Variants in FAM149A observed in about 807,000 individuals in gnomAD.
FAM149A encodes the protein protein FAM149A.
A neutral mutation model predicts 78.2 loss-of-function variants in FAM149A; 71 were observed. The observed-to-expected ratio is 0.91, with a 90% CI of 0.75 to 1.11. FAM149A has a LOEUF of 1.11. Among genes scored for constraint, FAM149A ranks in the 50% least tolerant of loss-of-function variants. The pLI is 0.00. For missense variants in FAM149A, 1,036 were observed against 971.0 expected (o/e 1.07, Z -0.89); for synonymous variants, 446 against 410.5 (o/e 1.09, Z -1.04).
At chr4:186,112,367 T>C (rs1460817925) in intron 1 of FAM149A, among the ~76,000 whole-genome samples, 1 of 128,926 alleles carries the variant, frequency 7.8e-6, no homozygotes, top group East Asian at 2.4e-4. Context: ...CTTCCTCTTT[T>C]CCTAATTGAA....
At chr4:186,123,481 G>A in intron 1 of FAM149A, 9 of 615,784 alleles carry the variant, frequency 1.5e-5, no homozygotes, top group Non-Finnish European at 1.8e-5. Context: ...TATTAATAAG[G>A]GCCATTTTCC....
chr4:186,170,607 C>A (rs907948729), intron 13 of FAM149A, among the ~76,000 whole-genome samples: 2 of 152,188 alleles, frequency 1.3e-5, no homozygotes, highest in African/African-American at 4.8e-5. Flanking sequence ...CACTGAGCAG[C>A]CTGGTGAGCT....
chr4:186,164,944 A>G lies in FAM149A; in HGVS notation c.1890-400A>G, dbSNP rs761541033. Among the ~76,000 whole-genome samples the G allele has an allele frequency of 1.3e-4, 20 of 152,078 alleles. No homozygotes were observed. Among genetic ancestry groups the G allele is most frequent in the Non-Finnish European group, 2.9e-4 (20 of 68,034 alleles). ...ACAGACAGCCTGTTTGTCTGTGTGC[A>G]TAGCTGTGCTCTACACATACGAGGG... On this transcript the variant is annotated intron_variant, in intron 10 of 13. Transcript: ENST00000389354. The surrounding 1 kb of genome is among the most constrained non-coding windows in gnomAD (Gnocchi z 4.0).
At chr4:186,135,806 A>C (rs1479168840) in intron 1 of FAM149A, among the ~76,000 whole-genome samples, 1 of 152,230 alleles carries the variant, frequency 6.6e-6, no homozygotes, top group Non-Finnish European at 1.5e-5. Context: ...GACAGCACTG[A>C]ATAGACCCAC....
chr4:186,138,103 T>G (rs1016566801), intron 1 of FAM149A, among the ~76,000 whole-genome samples: 1 of 152,242 alleles, frequency 6.6e-6, no homozygotes, highest in Admixed American at 6.5e-5. Flanking sequence ...CAGCTCCCTA[T>G]TATTCTGGTA....
intron 1 of FAM149A, among the ~76,000 whole-genome samples, chr4:186,111,579 G>T (rs1422960018): frequency 7.2e-5 from 11 of 151,784 alleles, no homozygotes; most frequent in Non-Finnish European, 1.5e-4. Context: ...TGTATAAGGT[G>T]TAAGGAAGGG....
intron 1 of FAM149A, among the ~76,000 whole-genome samples, chr4:186,136,994 C>CTCTCTCTCTCTCTCTTTCTCTCTT (rs2099323504): frequency 1.5e-5 from 2 of 136,560 alleles, no homozygotes; most frequent in African/African-American, 5.3e-5. Context: ...CTCTCTCTCT[C>CTCTCTCTCTCTCTCTTTCTCTCTT]TCTCTCTCTC....
chr4:186,149,959 G>A (rs1733345982), intron 3 of FAM149A, among the ~76,000 whole-genome samples: 1 of 152,166 alleles, frequency 6.6e-6, no homozygotes, highest in Non-Finnish European at 1.5e-5. Flanking sequence ...CCCTGCAGCC[G>A]GCTCTCCGGG....
chr4:186,160,990 G>A (rs980768188), intron 8 of FAM149A: 9 of 492,928 alleles, frequency 1.8e-5, no homozygotes, highest in South Asian at 8.5e-5. Context: ...AACATTTTGT[G>A]TAGTGTCTGG....
At chr4:186,120,093 T>C (rs1443333996) in intron 1 of FAM149A, among the ~76,000 whole-genome samples, 1 of 152,244 alleles carries the variant, frequency 6.6e-6, no homozygotes, top group Non-Finnish European at 1.5e-5. Context: ...AATGTGATCA[T>C]TGATCAACTA....
chr4:186,145,922 T>C (rs761926370), intron 1 of FAM149A, among the ~76,000 whole-genome samples: 5 of 151,658 alleles, frequency 3.3e-5, no homozygotes, highest in Non-Finnish European at 7.4e-5. Flanking sequence ...GGTTCAACAT[T>C]ATGCATGAGG....
intron 13 of FAM149A, among the ~76,000 whole-genome samples, chr4:186,168,696 A>T (rs751340621): frequency 1.3e-5 from 2 of 152,184 alleles, no homozygotes; most frequent in East Asian, 1.9e-4. Flanking sequence ...CTTGGGGGGA[A>T]GTAGGCGCCC....
intron 4 of FAM149A, 103 bp from the exon 5 acceptor site, chr4:186,153,542 T>C (rs1733782406): frequency 4.6e-6 from 7 of 1,517,092 alleles, no homozygotes; most frequent in Middle Eastern, 2.0e-4. Flanking sequence ...ACACATCTTA[T>C]CATACACATG....
chr4:186,119,398 C>T (rs2150088959), intron 1 of FAM149A, among the ~76,000 whole-genome samples: 1 of 152,304 alleles, frequency 6.6e-6, no homozygotes, highest in Non-Finnish European at 1.5e-5. Context: ...AAGGCTTTGT[C>T]ATGATTAATG....
chr4:186,153,704 G>A lies in FAM149A; in HGVS notation c.992G>A (p.Ser331Asn). The A allele has an allele frequency of 6.2e-7, 1 of 1,614,050 alleles. No individual in the cohort carries two copies. Among genetic ancestry groups the A allele is most frequent in the Non-Finnish European group, 8.5e-7 (1 of 1,179,912 alleles). ...AAAGGCGTCCAGCATTTCCAGGGCAGCACTCCTGCCTCCGCAGTCCACAGA... is the reference window on the plus strand; with the variant it reads ...AAAGGCGTCCAGCATTTCCAGGGCAACACTCCTGCCTCCGCAGTCCACAGA... Residue 331 changes from serine (S) to asparagine (N), a missense_variant, in exon 5 of 14, where the codon AGC (serine) becomes AAC (asparagine). Physicochemically the swap from Ser to Asn is conservative, Grantham distance 46 (BLOSUM62 1). Transcript: ENST00000389354.
chr4:186,153,617 T>C, intron 4 of FAM149A, 28 bp from the exon 5 acceptor site: 1 of 1,596,336 alleles, frequency 6.3e-7, no homozygotes, highest in Non-Finnish European at 8.6e-7. Flanking sequence ...TGATCAAAAA[T>C]GTCAGTAGCT....
intron 1 of FAM149A, among the ~76,000 whole-genome samples, chr4:186,133,524 C>T (rs1455665177): frequency 6.6e-6 from 1 of 152,220 alleles, no homozygotes; most frequent in African/African-American, 2.4e-5. Flanking sequence ...CATGTTATAG[C>T]ATGAATCAGA....
chr4:186,158,629 G>A, intron 8 of FAM149A: 1 of 1,090,152 alleles, frequency 9.2e-7, no homozygotes, highest in Non-Finnish European at 1.1e-6. Flanking sequence ...CCCAGCCCCT[G>A]CACACACTGC....
rs1561409749 is a variant in FAM149A at position 186,156,183 on chromosome 4, A to G, written c.1413A>G (p.Thr471=). ...TGATTAGAAAACACTGGGAAACTAC[A>G]CTCACAGGTACTTACATGCAGAATT... The change falls in exon 7 of 14, where the codon ACA becomes ACG. Residue 471 remains threonine (T), a synonymous_variant. Transcript: ENST00000389354. The G allele has an allele frequency of 1.2e-6, 2 of 1,610,478 alleles. No individual in the cohort carries two copies. The highest frequency in any genetic ancestry group is 2.2e-5 in the East Asian group (1 of 44,750).
Sources: gnomAD v4.1 joint callset for allele counts (sites outside exome capture counted in the v4.1 genomes callset) on GRCh38, gnomAD v4.1.1 for gene constraint, Gnocchi (gnomAD v3.1) non-coding constraint, MANE v1.5 for transcripts, NCBI Gene and HGNC (gene_info 2026-07-23, HGNC 2026-07-21) for gene names.